Variants in DOCK7 observed in about 807,000 individuals in gnomAD.
The protein encoded by DOCK7 is dedicator of cytokinesis protein 7.
A neutral mutation model predicts 271.0 loss-of-function variants in DOCK7; 138 were observed. The observed-to-expected ratio is 0.51, with a 90% CI of 0.44 to 0.59. The LOEUF (loss-of-function observed/expected upper bound fraction) is 0.59, where lower values mean the gene tolerates loss of function less well. DOCK7 is among the 20% of genes least tolerant of loss of function. The pLI is 0.00. For missense variants in DOCK7, 2,066 were observed against 2,592.4 expected (o/e 0.80, Z 4.41); for synonymous variants, 823 against 876.1 (o/e 0.94, Z 1.07).
Position 62,492,690 on chromosome 1 carries a change from C to T in DOCK7, c.5361+14G>A, listed in dbSNP as rs776150282. ...TATGAAACTGTGGGAAAAGAATTAA[C>T]AAGAGTCATCTACCATAGAGAAGGA... is the stretch of plus-strand genomic sequence containing the variant. On this transcript the variant is annotated intron_variant, in intron 41 of 49. Coordinates refer to ENST00000635253, the MANE Select transcript of DOCK7 (RefSeq NM_001367561.1). 3.1e-6 allele frequency: 5 copies of T among 1,613,534 alleles called. No individual in the cohort carries two copies. The highest frequency in any genetic ancestry group is 3.4e-6 in the Non-Finnish European group (4 of 1,179,820).
intron 1 of DOCK7, among the ~76,000 whole-genome samples, chr1:62,684,795 T>A (rs921867147): frequency 1.3e-5 from 2 of 152,204 alleles, no homozygotes; most frequent in Non-Finnish European, 2.9e-5. Context: ...TGCTTTTCTA[T>A]GGTGAGCTGA....
intron 1 of DOCK7, among the ~76,000 whole-genome samples, chr1:62,679,028 C>T (rs187127845): frequency 2.6e-5 from 4 of 152,108 alleles, no homozygotes; most frequent in African/African-American, 7.2e-5. Context: ...ACTATGTACC[C>T]ACAAATATTA....
At position 62,688,302 on chromosome 1, in the gene DOCK7, G is replaced by A. The variant is rs1199751623; in HGVS notation, c.-38C>T. 4.9e-6 allele frequency: 6 copies of A among 1,219,606 alleles called. No individual in the cohort carries two copies. The African/African-American group carries it at 6.4e-5, about 13-fold the overall frequency. 75.5% of individuals were successfully genotyped at this position (1,219,606 alleles called of 1,614,324 possible). ...GACGGCGACGGCGGCGGCGGCTGCG[G>A]CGGGCCGGGTGCGGACCGGCGGGCG... On this transcript the variant is annotated 5_prime_UTR_variant, in exon 1 of 50. Transcript: ENST00000635253.
chr1:62,675,049 A>G (rs1660396906), intron 1 of DOCK7, among the ~76,000 whole-genome samples: 1 of 152,236 alleles, frequency 6.6e-6, no homozygotes, highest in Non-Finnish European at 1.5e-5. Flanking sequence ...TTATATATCT[A>G]AAGAAGGACT....
chr1:62,519,032 C>CACACACACACAG (rs1644764847), intron 31 of DOCK7, among the ~76,000 whole-genome samples: 1 of 151,418 alleles, frequency 6.6e-6, no homozygotes, highest in East Asian at 2.0e-4. Flanking sequence ...CACACACACA[C>CACACACACACAG]AGAGCAAAGA....
intron 1 of DOCK7, among the ~76,000 whole-genome samples, chr1:62,668,577 A>G (rs948549534): frequency 1.3e-5 from 2 of 152,214 alleles, no homozygotes. Context: ...GATGCAAATG[A>G]TATTTGTAAT....
chr1:62,613,671 T>C (rs927639517), intron 14 of DOCK7, among the ~76,000 whole-genome samples: 1 of 152,174 alleles, frequency 6.6e-6, no homozygotes, highest in Non-Finnish European at 1.5e-5. Context: ...ACTTTCAGAA[T>C]ACAGTTCTCT....
At chr1:62,644,846 A>T (rs1295290721) in intron 7 of DOCK7, among the ~76,000 whole-genome samples, 1 of 152,232 alleles carries the variant, frequency 6.6e-6, no homozygotes, top group East Asian at 1.9e-4. Context: ...TAGACAAATC[A>T]GATGTATATA....
At chr1:62,553,236 T>A (rs924557830) in intron 21 of DOCK7, among the ~76,000 whole-genome samples, 1 of 145,258 alleles carries the variant, frequency 6.9e-6, no homozygotes, top group Non-Finnish European at 1.5e-5. Flanking sequence ...AGTTTCACCA[T>A]GTTGGCCAGG....
chr1:62,493,871 G>T (rs1186157462), intron 40 of DOCK7, among the ~76,000 whole-genome samples: 1 of 152,162 alleles, frequency 6.6e-6, no homozygotes, highest in Admixed American at 6.5e-5. Flanking sequence ...CATGGTATTA[G>T]TCATAAAATA....
chr1:62,619,318 T>A (rs1489457744), intron 13 of DOCK7, among the ~76,000 whole-genome samples: 1 of 152,230 alleles, frequency 6.6e-6, no homozygotes, highest in African/African-American at 2.4e-5. Flanking sequence ...AAAATAATTT[T>A]AAGCCATGAT....
Position 62,513,621 on chromosome 1 carries a change from T to G in DOCK7, c.4120-15A>C, listed in dbSNP as rs758132304. ...ACTTTTTTCCCCTAAAATGTAAACATTAGAAGAGAAGAGGTATTGAGGAAA... is the reference window on the plus strand; with the variant it reads ...ACTTTTTTCCCCTAAAATGTAAACAGTAGAAGAGAAGAGGTATTGAGGAAA... On this transcript the variant is annotated splice_polypyrimidine_tract_variant and intron_variant, in intron 32 of 49. Coordinates refer to ENST00000635253, the MANE Select transcript of DOCK7 (RefSeq NM_001367561.1). 6.2e-7 allele frequency: 1 copy of G among 1,609,220 alleles called. No homozygotes were observed. The highest frequency in any genetic ancestry group is 8.5e-7 in the Non-Finnish European group (1 of 1,178,612).
chr1:62,581,113 G>T (rs1184731980), intron 16 of DOCK7, among the ~76,000 whole-genome samples: 2 of 152,072 alleles, frequency 1.3e-5, no homozygotes, highest in African/African-American at 4.8e-5. Context: ...CAGCATATAG[G>T]GTTATGTGCT....
chr1:62,468,330 C>T (rs1298355457), intron 48 of DOCK7, among the ~76,000 whole-genome samples: 4 of 142,678 alleles, frequency 2.8e-5, no homozygotes, highest in Admixed American at 7.3e-5. Context: ...CATTGCACTC[C>T]GGCCTGGGCA....
intron 19 of DOCK7, 115 bp downstream of exon 19, chr1:62,561,502 A>C (rs1646320898): frequency 4.0e-6 from 2 of 501,260 alleles, no homozygotes; most frequent in Non-Finnish European, 6.7e-6. Flanking sequence ...ATATTCTCAT[A>C]AATCTGACAG....
intron 14 of DOCK7, among the ~76,000 whole-genome samples, chr1:62,589,972 C>T (rs950997627): frequency 1.1e-4 from 17 of 151,446 alleles, no homozygotes; most frequent in Non-Finnish European, 2.9e-5. Flanking sequence ...ATTCTACGTT[C>T]AGACAGAGAC....
intron 48 of DOCK7, chr1:62,460,799 G>A (rs1571172582): frequency 6.6e-6 from 1 of 152,128 alleles, no homozygotes; most frequent in Non-Finnish European, 1.5e-5. Flanking sequence ...TGGGACTACA[G>A]GCGTGCACCA....
At chr1:62,473,930 T>A in intron 48 of DOCK7, 52 bp downstream of exon 48, 1 of 1,449,950 alleles carries the variant, frequency 6.9e-7, no homozygotes, top group Non-Finnish European at 9.6e-7. Context: ...TGTCATACTG[T>A]GGTATTGGAC....
chr1:62,542,369 A>T (rs891919367), intron 25 of DOCK7, among the ~76,000 whole-genome samples: 1 of 152,194 alleles, frequency 6.6e-6, no homozygotes, highest in African/African-American at 2.4e-5. Flanking sequence ...TAGCTAGCTT[A>T]TGCAACCATC....
Sources: gnomAD v4.1 joint callset for allele counts (sites outside exome capture counted in the v4.1 genomes callset) on GRCh38, gnomAD v4.1.1 for gene constraint, MANE v1.5 for transcripts, NCBI Gene and HGNC (gene_info 2026-07-23, HGNC 2026-07-21) for gene names.